Variants in GPR78 observed in about 807,000 individuals in gnomAD.
GPR78 encodes G protein-coupled receptor 78.
In GPR78, 29 loss-of-function variants were observed where a neutral mutation model predicts 17.9. The observed-to-expected ratio is 1.62, with a 90% CI of 1.20 to 2.21. The LOEUF (loss-of-function observed/expected upper bound fraction) is 2.21, where lower values mean the gene tolerates loss of function less well. Ranked by LOEUF, GPR78 falls within the 30% of genes most tolerant of loss-of-function variation. GPR78 has a pLI of 0.00. For synonymous variants in GPR78, 349 were observed against 256.9 expected (o/e 1.36, Z -3.43); for missense variants, 649 against 530.5 (o/e 1.22, Z -2.19).
rs9685931 is a variant in GPR78, at chr4:8,587,296, G to A, written c.1025G>A (p.Arg342His). The change falls in exon 3 of 3, where the codon CGC (arginine) becomes CAC (histidine). Residue 342 changes from arginine (R) to histidine (H), a missense_variant. Arg to His is a conservative substitution (Grantham distance 29). Transcript: ENST00000382487. ...CACCAGCTGCTGAAGAGAACCCCGC[G>A]CCCAGCGTCCACCCACAACGGCTCT... is the stretch of plus-strand genomic sequence containing the variant. Reference protein sequence around the residue: ...MVHQLLKRTPRPASTHNGSVD... With the variant: ...MVHQLLKRTPHPASTHNGSVD... The A allele has an allele frequency of 0.11, 178,489 of 1,612,798 alleles. 10,751 individuals carry two copies. Among genetic ancestry groups the A allele is most frequent in the African/African-American group, 0.19 (14,587 of 74,996 alleles).
At position 8,588,429 on chromosome 4, in the gene GPR78, A is replaced by G. The variant is rs925114491; in HGVS notation, c.*1066A>G. On this transcript the variant is annotated 3_prime_UTR_variant, in exon 3 of 3. Coordinates refer to ENST00000382487, the MANE Select transcript of GPR78 (RefSeq NM_080819.5). ...TGGGACAGTGTTGAGGACTTTTGTG[A>G]CATCTGTCCTATTTCACAGCTCAGG... 2.0e-5 allele frequency among the ~76,000 whole-genome samples: 3 copies of G among 152,230 alleles called. No homozygotes were observed. The highest frequency in any genetic ancestry group is 7.2e-5 in the African/African-American group (3 of 41,464).
At chr4:8,586,218 G>A (rs375575317) in intron 2 of GPR78, among the ~76,000 whole-genome samples, 18 of 152,142 alleles carry the variant, frequency 1.2e-4, no homozygotes, top group Non-Finnish European at 2.1e-4. Flanking sequence ...GGAGGGGTCC[G>A]TCAGAGTCCC....
rs760261391 is a variant in GPR78, at chr4:8,589,220, A to C, written c.*1857A>C. 2.8e-4 allele frequency among the ~76,000 whole-genome samples: 42 copies of C among 152,218 alleles called. No individual in the cohort carries two copies. The highest frequency in any genetic ancestry group is 3.4e-3 in the Middle Eastern group (1 of 294). On this transcript the variant is annotated 3_prime_UTR_variant, in exon 3 of 3. Transcript: ENST00000382487. The stretch of plus-strand genomic sequence containing the variant: ...CACCAATGCCTCCCCCAAAAGGATA[A>C]ATTTAAAGGTGTGTATAACCCATGA...
Position 8,580,798 on chromosome 4 carries a change from C to T in GPR78, c.-185C>T, listed in dbSNP as rs967498931. 22 of 625,616 alleles carry T rather than the reference C, an allele frequency of 3.5e-5. No individual in the cohort carries two copies. The highest frequency in any genetic ancestry group is 1.3e-4 in the Admixed American group (4 of 31,052). The allele number at this position is 625,616 out of a possible 1,614,324, so 38.8% of individuals were successfully genotyped here. A position where few individuals can be genotyped will look rare whatever the true frequency, so the allele number is the denominator to read the frequency against. ...TGCTCCGCAGAGCTACGCCCTCCCCCCGGGTGCCCCGGACCCTGCACTTGC... is the reference window on the plus strand; with the variant it reads ...TGCTCCGCAGAGCTACGCCCTCCCCTCGGGTGCCCCGGACCCTGCACTTGC... On this transcript the variant is annotated 5_prime_UTR_variant, in exon 1 of 3. Transcript: ENST00000382487.
At chr4:8,582,349 T>C (rs1713328767) in intron 1 of GPR78, among the ~76,000 whole-genome samples, 182 bp from the exon 2 acceptor site, 1 of 152,110 alleles carries the variant, frequency 6.6e-6, no homozygotes, top group South Asian at 2.1e-4. Flanking sequence ...TTATTTCACC[T>C]ACAAAAAAGC....
chr4:8,583,431 G>T (rs535111450), intron 2 of GPR78, among the ~76,000 whole-genome samples: 1 of 152,192 alleles, frequency 6.6e-6, no homozygotes, highest in Non-Finnish European at 1.5e-5. Context: ...GGCTGTCTGG[G>T]AGGTCTCCAC....
At position 8,581,427 on chromosome 4, in the gene GPR78, T is replaced by A; in HGVS notation, c.445T>A (p.Tyr149Asn). The A allele has an allele frequency of 6.3e-7, 1 of 1,588,738 alleles. No homozygotes were observed. Among genetic ancestry groups the A allele is most frequent in the Non-Finnish European group, 8.5e-7 (1 of 1,175,018 alleles). The change falls in exon 1 of 3, where the codon TAC becomes AAC. Residue 149 changes from tyrosine (Y) to asparagine (N), a missense_variant. By Grantham distance (143) the Tyr-to-Asn change is moderately radical (BLOSUM62 -2). Transcript: ENST00000382487. ...GAALGCSWLG[Y>N]SSAFASCSLR... is the part of the protein sequence containing the mutation. Reference sequence around the variant, plus strand: ...TGCACTTGGCTGCTCGTGGCTTGGCTACAGCAGCGCCTTCGCGTCCTGTTC... The same window carrying A: ...TGCACTTGGCTGCTCGTGGCTTGGCAACAGCAGCGCCTTCGCGTCCTGTTC...
At chr4:8,583,887 A>T (rs1713393817) in intron 2 of GPR78, among the ~76,000 whole-genome samples, 1 of 152,204 alleles carries the variant, frequency 6.6e-6, no homozygotes, top group Non-Finnish European at 1.5e-5. Flanking sequence ...CTTGTGGATC[A>T]CAGGCATCCT....
chr4:8,582,390 C>A, intron 1 of GPR78, 141 bp from the exon 2 acceptor site: 1 of 590,856 alleles, frequency 1.7e-6, no homozygotes, highest in Non-Finnish European at 3.0e-6. Flanking sequence ...CTCTCTCCCC[C>A]ATCCCTCTGT....
rs750006394 is a variant in GPR78 at position 8,581,041 on chromosome 4, T to C, written c.59T>C (p.Leu20Pro). The stretch of plus-strand genomic sequence containing the variant: ...CTGGTGATGGTACTGGCCGTGGCGC[T>C]GCTATCCAACGCACTGGTGCTGCTT... ...GLLVMVLAVA[L>P]LSNALVLLCC... Residue 20 changes from leucine to proline, a missense_variant, in exon 1 of 3, where the codon CTG (leucine) becomes CCG (proline). Physicochemically the swap from Leu to Pro is moderately conservative, Grantham distance 98. Coordinates refer to ENST00000382487, the MANE Select transcript of GPR78 (RefSeq NM_080819.5). 5.0e-6 allele frequency: 8 copies of C among 1,604,246 alleles called. No individual in the cohort carries two copies. The South Asian group carries it at 8.9e-5, about 18-fold the overall frequency.
In GPR78 at chr4:8,580,943, G is replaced by A; in HGVS notation, c.-40G>A. On this transcript the variant is annotated 5_prime_UTR_variant, in exon 1 of 3. Coordinates refer to ENST00000382487, the MANE Select transcript of GPR78 (RefSeq NM_080819.5). ...TTCCCAGGCTCGCGCCCGAAGCAGAGCCATGAGAACCCCAGGGTGCCTGGC... is the reference window on the plus strand; with the variant it reads ...TTCCCAGGCTCGCGCCCGAAGCAGAACCATGAGAACCCCAGGGTGCCTGGC... 1 of 1,483,524 alleles carries A rather than the reference G, an allele frequency of 6.7e-7. No individual in the cohort carries two copies. Among genetic ancestry groups the A allele is most frequent in the South Asian group, 1.3e-5 (1 of 74,384 alleles). The allele number at this position is 1,483,524 out of a possible 1,614,324, so 91.9% of individuals were successfully genotyped here. A position where few individuals can be genotyped will look rare whatever the true frequency, so the allele number is the denominator to read the frequency against.
Position 8,580,604 on chromosome 4 carries a change from GAGA to G in GPR78, c.-373_-371del, listed in dbSNP as rs1322704332. 2.4e-5 allele frequency: 6 copies of G among 246,744 alleles called. No homozygotes were observed. Among genetic ancestry groups the G allele is most frequent in the East Asian group, 8.9e-5 (1 of 11,240 alleles). The allele number at this position is 246,744 out of a possible 1,614,324, so 15.3% of individuals were successfully genotyped here. On this transcript the variant is annotated 5_prime_UTR_variant, in exon 1 of 3. Coordinates refer to ENST00000382487, the MANE Select transcript of GPR78 (RefSeq NM_080819.5). ...GTCCCATCCTGCCACGCCACGAGGAGAGAAGAAGGAAAGATACAGTGTTAGGAA... is the reference window on the plus strand; with the variant it reads ...GTCCCATCCTGCCACGCCACGAGGAGAGAAGGAAAGATACAGTGTTAGGAA...
chr4:8,585,578 T>C (rs1165946321), intron 2 of GPR78, among the ~76,000 whole-genome samples: 1 of 152,184 alleles, frequency 6.6e-6, no homozygotes, highest in African/African-American at 2.4e-5. Flanking sequence ...TGCTGGCCGG[T>C]GGCAAAGCCC....
rs541384830 is a variant in GPR78, at chr4:8,589,313, A to T, written c.*1950A>T. ...AACTATAGGTATGTGGTCAGGAAGC[A>T]GTTAAAAACATTAAAATACAGACCT... On this transcript the variant is annotated 3_prime_UTR_variant, in exon 3 of 3. Transcript: ENST00000382487. Among the ~76,000 whole-genome samples, 1 of 152,300 alleles carries T rather than the reference A, an allele frequency of 6.6e-6. No homozygotes were observed. The highest frequency in any genetic ancestry group is 1.9e-4 in the East Asian group (1 of 5,180).
At position 8,581,200 on chromosome 4, in the gene GPR78, C is replaced by A. The variant is rs750628218; in HGVS notation, c.218C>A (p.Pro73Gln). The change falls in exon 1 of 3, where the codon CCG becomes CAG. Residue 73 changes from proline (P) to glutamine (Q), a missense_variant. Transcript: ENST00000382487. ...CTCGGTGTGATGCGCGGGCGGACACCGTCGGCGCCCGGCGCATGCCAAGTC... is the reference window on the plus strand; with the variant it reads ...CTCGGTGTGATGCGCGGGCGGACACAGTCGGCGCCCGGCGCATGCCAAGTC... ...TLLGVMRGRT[P>Q]SAPGACQVIG... The A allele has an allele frequency of 1.2e-6, 2 of 1,600,310 alleles. No homozygotes were observed. Among genetic ancestry groups the A allele is most frequent in the South Asian group, 1.1e-5 (1 of 90,402 alleles).
Position 8,580,988 on chromosome 4 carries a change from C to G in GPR78, c.6C>G (p.Gly2=). 6.3e-7 allele frequency: 1 copy of G among 1,580,660 alleles called. No individual in the cohort carries two copies. ...CCTGGCGAGCCGCTAGCGCCATGGG[C>G]CCCGGCGAGGCGCTGCTGGCGGGTC... M[G]PGEALLAGLL... The change falls in exon 1 of 3, where the codon GGC becomes GGG. Residue 2 remains glycine, a synonymous_variant. Coordinates refer to ENST00000382487, the MANE Select transcript of GPR78 (RefSeq NM_080819.5).
chr4:8,581,157 G>T lies in GPR78; in HGVS notation c.175G>T (p.Asp59Tyr). 1.2e-6 allele frequency: 2 copies of T among 1,603,872 alleles called. No homozygotes were observed. The highest frequency in any genetic ancestry group is 1.3e-5 in the African/African-American group (1 of 74,906). The part of the protein sequence containing the change: ...SLGHLLLAAL[D>Y]MPFTLLGVMR... ...GGGCCACCTGCTGCTGGCGGCGCTGGACATGCCCTTCACGCTGCTCGGTGT... is the reference window on the plus strand; with the variant it reads ...GGGCCACCTGCTGCTGGCGGCGCTGTACATGCCCTTCACGCTGCTCGGTGT... The change falls in exon 1 of 3, where the codon GAC becomes TAC. Residue 59 changes from aspartate (D) to tyrosine (Y), a missense_variant. Asp to Tyr is a radical substitution (Grantham distance 160). Coordinates refer to ENST00000382487, the MANE Select transcript of GPR78 (RefSeq NM_080819.5).
chr4:8,581,279 G>A lies in GPR78; in HGVS notation c.297G>A (p.Ala99=), dbSNP rs537015722. ...LASNAALSVA[A]LSADQWLAVG... The stretch of plus-strand genomic sequence containing the variant: ...CCAACGCGGCGCTGAGCGTGGCGGC[G>A]CTGAGCGCAGACCAGTGGCTGGCAG... Residue 99 remains alanine (A), a synonymous_variant, in exon 1 of 3, where the codon GCG becomes GCA. Transcript: ENST00000382487. 4 of 1,588,360 alleles carry A rather than the reference G, an allele frequency of 2.5e-6. No individual in the cohort carries two copies. Among genetic ancestry groups the A allele is most frequent in the Admixed American group, 3.4e-5 (2 of 58,008 alleles).
chr4:8,586,686 C>T (rs1466934442), intron 2 of GPR78, among the ~76,000 whole-genome samples: 1 of 152,218 alleles, frequency 6.6e-6, no homozygotes, highest in African/African-American at 2.4e-5. Context: ...GTGGTAATGG[C>T]TCCCTCGGTA....
Sources: allele counts gnomAD v4.1 joint callset (sites outside exome capture counted in the v4.1 genomes callset), GRCh38; gene constraint gnomAD v4.1.1; transcripts MANE v1.5; gene names NCBI Gene and HGNC (gene_info 2026-07-23, HGNC 2026-07-21).